POT1: variants seen among roughly 807,000 people sequenced by gnomAD.
The protein encoded by POT1 is protection of telomeres protein 1.
Under a neutral mutation model 78.5 loss-of-function variants are expected in POT1, and 47 were observed. The ratio of observed to expected loss-of-function variants is 0.60; its 90% confidence interval spans 0.47 to 0.76. POT1 has a LOEUF of 0.76. Among genes scored for constraint, POT1 ranks in the 30% least tolerant of loss-of-function variants. The pLI is 0.00. For missense variants in POT1, 646 were observed against 749.9 expected (o/e 0.86, Z 1.62); for synonymous variants, 259 against 260.7 (o/e 0.99, Z 0.06).
At chr7:124,884,577 T>C (rs972845177) in intron 6 of POT1, among the ~76,000 whole-genome samples, 2 of 152,022 alleles carry the variant, frequency 1.3e-5, no homozygotes, top group African/African-American at 2.4e-5. Flanking sequence ...TACCACATTA[T>C]GTGGCACAAA....
chr7:124,851,410 A>G (rs972018563), intron 11 of POT1, among the ~76,000 whole-genome samples: 1 of 152,212 alleles, frequency 6.6e-6, no homozygotes, highest in African/African-American at 2.4e-5. Context: ...CAAGCAGACA[A>G]TATTAGAAGG....
intron 9 of POT1, among the ~76,000 whole-genome samples, chr7:124,858,517 CTT>C (rs1456321445): frequency 2.0e-5 from 3 of 151,786 alleles, no homozygotes; most frequent in Admixed American, 2.0e-4. Context: ...ATAATATAAA[CTT>C]GTAATATAAA....
chr7:124,832,245 C>T (rs1287170712), intron 15 of POT1, among the ~76,000 whole-genome samples: 5 of 91,548 alleles, frequency 5.5e-5, no homozygotes, highest in Admixed American at 1.7e-4. Flanking sequence ...CAGAATGACA[C>T]TGTCTCCAAA....
At chr7:124,896,533 GA>G (rs755318972) in intron 5 of POT1, among the ~76,000 whole-genome samples, 13 of 151,460 alleles carry the variant, frequency 8.6e-5, no homozygotes, top group South Asian at 4.2e-4. Context: ...CTGTCCATTT[GA>G]AACTAAAGGT....
intron 7 of POT1, among the ~76,000 whole-genome samples, chr7:124,870,522 ATATAATCTCC>A (rs1247567246): frequency 4.1e-4 from 63 of 152,246 alleles, no homozygotes; most frequent in Admixed American, 1.1e-3. Context: ...GGAAAGAATA[ATATAATCTCC>A]TAATCTTTGT....
intron 8 of POT1, among the ~76,000 whole-genome samples, chr7:124,862,621 T>G (rs1044326881): frequency 2.6e-5 from 4 of 152,186 alleles, no homozygotes; most frequent in Non-Finnish European, 5.9e-5. Context: ...TAAATCATAA[T>G]AATGCTAAAC....
At chr7:124,832,690 T>C (rs960787278) in intron 15 of POT1, among the ~76,000 whole-genome samples, 1 of 151,908 alleles carries the variant, frequency 6.6e-6, no homozygotes, top group Non-Finnish European at 1.5e-5. Context: ...TAGTGGTGCA[T>C]GCCTGTAGTC....
intron 2 of POT1, among the ~76,000 whole-genome samples, chr7:124,916,704 C>T (rs1156826429): frequency 6.6e-6 from 1 of 151,932 alleles, no homozygotes; most frequent in Admixed American, 6.6e-5. Context: ...ACAAATGTTC[C>T]CAGACATCTG....
At chr7:124,921,984 C>CTTAA (rs1247008441) in intron 2 of POT1, among the ~76,000 whole-genome samples, 1 of 151,916 alleles carries the variant, frequency 6.6e-6, no homozygotes, top group Non-Finnish European at 1.5e-5. Context: ...AAAAAGCTTA[C>CTTAA]TTAAGCACAT....
intron 9 of POT1, 104 bp from the exon 10 acceptor site, chr7:124,853,242 A>T (rs1795359526): frequency 2.4e-6 from 2 of 831,044 alleles, no homozygotes; most frequent in Admixed American, 5.7e-5. Context: ...GGCACTGACC[A>T]GTCAGGAAAT....
intron 3 of POT1, among the ~76,000 whole-genome samples, chr7:124,904,370 TATAAAC>T (rs1796704384): frequency 6.6e-6 from 1 of 152,128 alleles, no homozygotes; most frequent in Admixed American, 6.5e-5. Flanking sequence ...TAATCCATCA[TATAAAC>T]AGAAACAAAG....
chr7:124,907,968 A>C (rs1767177861), intron 3 of POT1, among the ~76,000 whole-genome samples: 1 of 152,072 alleles, frequency 6.6e-6, no homozygotes, highest in Admixed American at 6.6e-5. Context: ...GCAAATCAAC[A>C]GGCAAATAAT....
At chr7:124,843,166 A>G (rs1795072175) in intron 12 of POT1, 1 of 371,268 alleles carries the variant, frequency 2.7e-6, no homozygotes. Context: ...GTACTCAACA[A>G]ATGTGTACTA....
At chr7:124,864,875 C>T (rs373264642) in intron 7 of POT1, among the ~76,000 whole-genome samples, 10 of 151,998 alleles carry the variant, frequency 6.6e-5, no homozygotes, top group Admixed American at 2.6e-4. Flanking sequence ...ATTGTGTTTA[C>T]GTATTTGCTA....
At chr7:124,844,527 G>C (rs1295566266) in intron 12 of POT1, among the ~76,000 whole-genome samples, 5 of 150,238 alleles carry the variant, frequency 3.3e-5, no homozygotes. Flanking sequence ...ACGAGGTCAA[G>C]AGAGCGAGAC....
chr7:124,897,724 T>C (rs556090987), intron 4 of POT1, among the ~76,000 whole-genome samples: 2 of 152,008 alleles, frequency 1.3e-5, no homozygotes, highest in African/African-American at 4.8e-5. Context: ...CCAGTGCTTA[T>C]AGTACCTTTG....
chr7:124,870,842 A>T, intron 7 of POT1, 69 bp downstream of exon 7: 1 of 1,283,156 alleles, frequency 7.8e-7, no homozygotes, highest in South Asian at 2.3e-5. Context: ...AATTAGTGCT[A>T]ACTAGTTTCA....
chr7:124,825,188 T>C (rs1003162652), intron 18 of POT1, 64 bp downstream of exon 18: 1 of 1,042,402 alleles, frequency 9.6e-7, no homozygotes, highest in African/African-American at 1.6e-5. Context: ...GTCCACAGAG[T>C]ACATATATGT....
chr7:124,842,424 A>ACTTAATT (rs1795049878), intron 13 of POT1, among the ~76,000 whole-genome samples: 1 of 152,002 alleles, frequency 6.6e-6, no homozygotes, highest in Non-Finnish European at 1.5e-5. Flanking sequence ...GTTTACCAAC[A>ACTTAATT]AGGCTCTCTT....
Sources: gnomAD v4.1 joint callset for allele counts (sites outside exome capture counted in the v4.1 genomes callset) on GRCh38, gnomAD v4.1.1 for gene constraint, MANE v1.5 for transcripts, NCBI Gene and HGNC (gene_info 2026-07-23, HGNC 2026-07-21) for gene names.